The following SHISA9 variants were observed in gnomAD, a reference collection of about 807,000 sequenced individuals.
The protein encoded by SHISA9 is protein shisa-9.
A neutral mutation model predicts 38.0 loss-of-function variants in SHISA9; 13 were observed. The ratio of observed to expected loss-of-function variants is 0.34; its 90% CI spans 0.22 to 0.54. SHISA9 has a LOEUF of 0.54. SHISA9 is among the 20% of genes least tolerant of loss of function. The pLI is 0.91. For missense variants in SHISA9, 538 were observed against 575.8 expected, an observed-to-expected ratio of 0.93 and a Z score of 0.67; for synonymous variants, 275 against 242.0, an observed-to-expected ratio of 1.14 and a Z score of -1.27.
intron 4 of SHISA9, among the ~76,000 whole-genome samples, chr16:13,226,066 C>G (rs2051276368): frequency 6.6e-6 from 1 of 152,190 alleles, no homozygotes; most frequent in Non-Finnish European, 1.5e-5. Context: ...GCTTACAAGA[C>G]TGTTCAATGA....
chr16:12,908,127 T>TTA (rs1368576486), intron 1 of SHISA9, among the ~76,000 whole-genome samples: 90 of 24,164 alleles, frequency 3.7e-3, no homozygotes, highest in Middle Eastern at 0.029. Context: ...TCAGGACCTG[T>TTA]CACAACTATT....
the SHISA9 span, among the ~76,000 whole-genome samples, chr16:13,454,848 T>C: frequency 0.076 from 11,503 of 152,298 alleles, 578 homozygotes; most frequent in South Asian, 0.19. Context: ...CTTCTATTCA[T>C]GTGGCTTCCT....
intron 2 of SHISA9, among the ~76,000 whole-genome samples, chr16:12,960,222 C>T (rs923631270): frequency 6.6e-6 from 1 of 152,110 alleles, no homozygotes; most frequent in Non-Finnish European, 1.5e-5. Flanking sequence ...ATTCTTTTTC[C>T]CTCCGTCACA....
the SHISA9 span, among the ~76,000 whole-genome samples, chr16:13,396,140 A>G: frequency 6.6e-6 from 1 of 152,186 alleles, no homozygotes; most frequent in South Asian, 2.1e-4. Context: ...AGATACTAAC[A>G]TTGCATAGAA....
At chr16:13,454,431 A>C in the SHISA9 span, among the ~76,000 whole-genome samples, 287 of 152,326 alleles carry the variant, frequency 1.9e-3, no homozygotes, top group African/African-American at 6.5e-3. Context: ...TTGTCAACGT[A>C]TTAAATATCG....
rs2071259256 is a variant in SHISA9, at chr16:12,916,538, T to G, written c.564-150T>G. On this transcript the variant is annotated intron_variant, in intron 1 of 4. Coordinates refer to ENST00000558583, the MANE Select transcript of SHISA9 (RefSeq NM_001145204.3). The stretch of plus-strand genomic sequence containing the variant: ...CTCTAATTACAGTGATTTTATTTAC[T>G]TACGTTTTTCTCTACTCCACCCCTA... The G allele has an allele frequency of 6.7e-6, 6 of 892,402 alleles. No homozygotes were observed. The South Asian group carries it at 9.6e-5, about 14-fold the overall frequency. The allele number at this position is 892,402 out of a possible 1,614,324, so 55.3% of individuals were successfully genotyped here.
intron 2 of SHISA9, among the ~76,000 whole-genome samples, chr16:12,996,523 C>A (rs1391098494): frequency 6.6e-6 from 1 of 152,162 alleles, no homozygotes; most frequent in Admixed American, 6.5e-5. Flanking sequence ...ACCAGCATGG[C>A]CCCCAGGGTG....
intron 4 of SHISA9, among the ~76,000 whole-genome samples, chr16:13,219,696 G>A (rs1179717351): frequency 1.3e-5 from 2 of 152,152 alleles, no homozygotes; most frequent in Non-Finnish European, 2.9e-5. Flanking sequence ...ACATGGATTA[G>A]GAATAGGAGA....
chr16:13,271,855 G>C, the SHISA9 span, among the ~76,000 whole-genome samples: 1 of 152,124 alleles, frequency 6.6e-6, no homozygotes. Flanking sequence ...GCTGAGGCGG[G>C]TGGATAACCT....
intron 2 of SHISA9, among the ~76,000 whole-genome samples, chr16:13,187,732 G>T (rs532661584): frequency 6.6e-6 from 1 of 152,204 alleles, no homozygotes; most frequent in East Asian, 1.9e-4. Flanking sequence ...TTTTCTGATA[G>T]ATCCTTAAAA....
chr16:13,369,241 G>C, the SHISA9 span, among the ~76,000 whole-genome samples: 1 of 152,160 alleles, frequency 6.6e-6, no homozygotes, highest in East Asian at 1.9e-4. Context: ...GATAAGATGA[G>C]TGCTTGCTAA....
the SHISA9 span, among the ~76,000 whole-genome samples, chr16:13,491,551 C>T: frequency 6.6e-6 from 1 of 151,914 alleles, no homozygotes; most frequent in Non-Finnish European, 1.5e-5. Context: ...TGAAGTGGCA[C>T]CATCTCAGCT....
At chr16:13,416,576 A>G in the SHISA9 span, among the ~76,000 whole-genome samples, 40 of 152,180 alleles carry the variant, frequency 2.6e-4, no homozygotes, top group African/African-American at 5.5e-4. Flanking sequence ...GCCAGGCACA[A>G]TGGGGCCCAC....
the SHISA9 span, among the ~76,000 whole-genome samples, chr16:13,546,557 A>G: frequency 6.6e-6 from 1 of 152,210 alleles, no homozygotes; most frequent in African/African-American, 2.4e-5. Context: ...AAATTCTCCA[A>G]TTGAAAGACG....
chr16:13,273,148 T>C, the SHISA9 span, among the ~76,000 whole-genome samples: 3 of 152,158 alleles, frequency 2.0e-5, no homozygotes, highest in African/African-American at 7.2e-5. Flanking sequence ...TTTATTGAAG[T>C]ATTATTAATA....
intron 2 of SHISA9, among the ~76,000 whole-genome samples, chr16:13,062,052 A>G (rs746019554): frequency 6.6e-6 from 1 of 152,192 alleles, no homozygotes; most frequent in Non-Finnish European, 1.5e-5. Context: ...AGCTCCGATT[A>G]TTTTTATTAA....
the SHISA9 span, among the ~76,000 whole-genome samples, chr16:13,305,161 T>C: frequency 6.6e-5 from 10 of 152,172 alleles, no homozygotes; most frequent in African/African-American, 1.9e-4. Flanking sequence ...ACCTAATACA[T>C]GTAGCCTAAA....
At chr16:13,100,466 G>A (rs1409433021) in intron 2 of SHISA9, among the ~76,000 whole-genome samples, 1 of 152,184 alleles carries the variant, frequency 6.6e-6, no homozygotes, top group Non-Finnish European at 1.5e-5. Flanking sequence ...GGCTGGTGTA[G>A]CAGGTTGCAC....
chr16:12,985,579 G>T (rs915722344), intron 2 of SHISA9, among the ~76,000 whole-genome samples: 1 of 152,172 alleles, frequency 6.6e-6, no homozygotes, highest in African/African-American at 2.4e-5. Context: ...ATCCAGAAGT[G>T]AATTACCTAA....
Sources: allele counts gnomAD v4.1 joint callset (sites outside exome capture counted in the v4.1 genomes callset), GRCh38; gene constraint gnomAD v4.1.1; transcripts MANE v1.5; gene names NCBI Gene and HGNC (gene_info 2026-07-23, HGNC 2026-07-21).